The following TMEM268 variants were observed in gnomAD, a reference collection of about 807,000 sequenced individuals.
The protein encoded by TMEM268 is transmembrane protein C9orf91.
Under a neutral mutation model 39.1 loss-of-function variants are expected in TMEM268, and 24 were observed. The ratio of observed to expected loss-of-function variants is 0.61; its 90% CI spans 0.44 to 0.86. The LOEUF (loss-of-function observed/expected upper bound fraction) is 0.86, where lower values mean the gene tolerates loss of function less well. Ranked by LOEUF, TMEM268 falls within the 40% of genes least tolerant of loss-of-function variation. The pLI is 0.00. For synonymous variants in TMEM268, 176 were observed against 173.5 expected, an observed-to-expected ratio of 1.01 and a Z score of -0.12; for missense variants, 409 against 428.6, an observed-to-expected ratio of 0.95 and a Z score of 0.40.
At chr9:114,640,077 T>A (rs2133715419) in intron 8 of TMEM268, among the ~76,000 whole-genome samples, 1 of 150,220 alleles carries the variant, frequency 6.7e-6, no homozygotes, top group South Asian at 2.1e-4. Context: ...AAGAGAGAAA[T>A]GATAACTGTA....
Position 114,626,829 on chromosome 9 carries a change from A to T in TMEM268, c.217-70A>T, listed in dbSNP as rs1846181006. On this transcript the variant is annotated intron_variant, in intron 3 of 8. Transcript: ENST00000288502. ...AGAATGTGCCTAATCCCCCTTCCACATGATAGTCACATGCACTGGAAACTG... is the reference window on the plus strand; with the variant it reads ...AGAATGTGCCTAATCCCCCTTCCACTTGATAGTCACATGCACTGGAAACTG... The T allele has an allele frequency of 3.4e-6, 4 of 1,171,312 alleles. No individual in the cohort carries two copies. In the East Asian group the frequency reaches 9.6e-5, roughly 28 times the overall value. 72.6% of individuals were successfully genotyped at this position (1,171,312 alleles called of 1,614,324 possible). A position where few individuals can be genotyped will look rare whatever the true frequency, so the allele number is the denominator to read the frequency against.
upstream of TMEM268, among the ~76,000 whole-genome samples, chr9:114,606,713 C>T (rs565652862): frequency 1.7e-4 from 25 of 145,590 alleles, no homozygotes; most frequent in African/African-American, 5.8e-4. Flanking sequence ...GGATTTAAAC[C>T]CAGGTCTGTC....
At position 114,644,797 on chromosome 9, in the gene TMEM268, A is replaced by T. The variant is rs1337183037; in HGVS notation, c.*1484A>T. ...ATCAATATAATGGGTGGATTGGATG[A>T]TTTTTTTTTTTTTAATTGAGATGGA... On this transcript the variant is annotated 3_prime_UTR_variant, in exon 9 of 9. Transcript: ENST00000288502. The T allele has an allele frequency of 1.4e-5, 2 of 144,804 alleles. No homozygotes were observed. Among genetic ancestry groups the T allele is most frequent in the Non-Finnish European group, 3.0e-5 (2 of 65,674 alleles). The allele number at this position is 144,804 out of a possible 1,614,324, so 9.0% of individuals were successfully genotyped here.
At chr9:114,636,668 TTTTTTGTA>T (rs1846651644) in intron 6 of TMEM268, among the ~76,000 whole-genome samples, 2 of 151,962 alleles carry the variant, frequency 1.3e-5, no homozygotes, top group Non-Finnish European at 1.5e-5. Context: ...ACCCAGCTAA[TTTTTTGTA>T]TTTTTTGTAG....
Position 114,622,390 on chromosome 9 carries a change from C to G in TMEM268, c.107-1960C>G, listed in dbSNP as rs138651995. The G allele has an allele frequency of 1.7e-5, 17 of 985,326 alleles. No individual in the cohort carries two copies. The African/African-American group carries it at 2.4e-4, about 14-fold the overall frequency. 61.0% of individuals were successfully genotyped at this position (985,326 alleles called of 1,614,324 possible). On this transcript the variant is annotated intron_variant, in intron 2 of 8. Transcript: ENST00000288502. Reference sequence around the variant, plus strand: ...CTAGAATCCCAGGGCTGGAATCTCTCCCACCCCCCAGACCTCCTGGCTGCT... The same window carrying G: ...CTAGAATCCCAGGGCTGGAATCTCTGCCACCCCCCAGACCTCCTGGCTGCT...
chr9:114,633,956 TC>T, intron 6 of TMEM268, 78 bp downstream of exon 6: 1 of 796,574 alleles, frequency 1.3e-6, no homozygotes, highest in Non-Finnish European at 2.0e-6. Flanking sequence ...CCTCATGTTC[TC>T]CCAGCCTACA....
chr9:114,638,124 C>T (rs150485370), intron 7 of TMEM268, among the ~76,000 whole-genome samples: 6 of 152,320 alleles, frequency 3.9e-5, no homozygotes, highest in African/African-American at 4.8e-5. Context: ...ACACTGCAAC[C>T]TCTGCCTCCC....
At chr9:114,609,854 A>AGAAAGAAAGAAAGAAAG (rs1845432089), upstream of TMEM268, among the ~76,000 whole-genome samples, 1 of 40,054 alleles carries the variant, frequency 2.5e-5, no homozygotes, top group Admixed American at 3.2e-4. Context: ...GAAAGAAAGA[A>AGAAAGAAAGAAAGAAAG]AGAGAAAGAG....
intron 2 of TMEM268, among the ~76,000 whole-genome samples, chr9:114,619,383 G>A (rs1845858806): frequency 6.6e-6 from 1 of 152,158 alleles, no homozygotes; most frequent in Admixed American, 6.5e-5. Context: ...GTATTTTTAA[G>A]CGGAGGACTT....
At chr9:114,615,243 G>A (rs1462034091) in intron 1 of TMEM268, among the ~76,000 whole-genome samples, 3 of 152,090 alleles carry the variant, frequency 2.0e-5, no homozygotes, top group Admixed American at 2.0e-4. Flanking sequence ...TTCCTGCTAC[G>A]CCTCTCAATG....
chr9:114,616,005 CTTTTTTCTTTTCT>C (rs1589327349), intron 1 of TMEM268, among the ~76,000 whole-genome samples: 1 of 137,962 alleles, frequency 7.2e-6, no homozygotes, highest in South Asian at 2.7e-4. Flanking sequence ...TTTTCTTTTT[CTTTTTTCTTTTCT>C]TTTTTTTTTT....
chr9:114,631,227 T>C (rs1846378884), intron 5 of TMEM268, among the ~76,000 whole-genome samples: 1 of 146,744 alleles, frequency 6.8e-6, no homozygotes, highest in South Asian at 2.1e-4. Context: ...TGCTTGAGCC[T>C]AGGAGTTCAA....
chr9:114,636,417 G>A (rs918050600), intron 6 of TMEM268, among the ~76,000 whole-genome samples: 5 of 152,304 alleles, frequency 3.3e-5, no homozygotes, highest in South Asian at 2.1e-4. Flanking sequence ...AGGAGGGTTC[G>A]GAGTCTGTCT....
chr9:114,632,519 TC>T (rs1474789795), intron 5 of TMEM268, among the ~76,000 whole-genome samples: 1 of 152,092 alleles, frequency 6.6e-6, no homozygotes, highest in Non-Finnish European at 1.5e-5. Context: ...CCTCCTCTTC[TC>T]CCCCACCTGT....
intron 5 of TMEM268, among the ~76,000 whole-genome samples, chr9:114,629,111 TCA>T (rs2133660680): frequency 6.6e-6 from 1 of 152,342 alleles, no homozygotes; most frequent in South Asian, 2.1e-4. Context: ...GGCCAGGGCC[TCA>T]GATTCCAAGC....
the TMEM268 span, among the ~76,000 whole-genome samples, chr9:114,604,585 C>CAAAAAAAAAAAAAAAAAAAAAAAAAAA: frequency 1.2e-5 from 1 of 81,666 alleles, no homozygotes. Context: ...GACTCCGTCT[C>CAAAAAAAAAAAAAAAAAAAAAAAAAAA]AAAAAAAAAA....
At chr9:114,622,470 G>C (rs1845983267) in intron 2 of TMEM268, 2 of 985,178 alleles carry the variant, frequency 2.0e-6, no homozygotes, top group South Asian at 4.7e-5. Flanking sequence ...CGATCCTTTT[G>C]TCCAGTTTCT....
chr9:114,633,726 T>C, intron 5 of TMEM268, 42 bp from the exon 6 acceptor site: 1 of 1,132,774 alleles, frequency 8.8e-7, no homozygotes, highest in East Asian at 2.5e-5. Context: ...AGCTCCCCAG[T>C]AGCATGGAGG....
intron 7 of TMEM268, among the ~76,000 whole-genome samples, chr9:114,637,395 C>G (rs553906574): frequency 1.3e-4 from 20 of 150,292 alleles, no homozygotes; most frequent in African/African-American, 4.4e-4. Flanking sequence ...TGGGTTCAAG[C>G]GATTCTCCTG....
Sources: gnomAD v4.1 joint callset for allele counts (sites outside exome capture counted in the v4.1 genomes callset) on GRCh38, gnomAD v4.1.1 for gene constraint, MANE v1.5 for transcripts, NCBI Gene and HGNC (gene_info 2026-07-23, HGNC 2026-07-21) for gene names.